SHPRH: variants seen among roughly 807,000 people sequenced by gnomAD.
The protein encoded by SHPRH is SNF2 histone linker PHD RING helicase.
SHPRH carries 106 observed loss-of-function variants against 202.5 expected under a neutral mutation model. The observed-to-expected ratio is 0.52, with a 90% CI of 0.45 to 0.62. The LOEUF is 0.62. SHPRH is among the 20% of genes least tolerant of loss of function. The pLI is 0.00. For missense variants in SHPRH, 1,710 were observed against 2,020.0 expected (o/e 0.85, Z 2.94); for synonymous variants, 729 against 686.0 (o/e 1.06, Z -0.98).
rs1784524863 is a variant in SHPRH at position 145,922,682 on chromosome 6, C to T, written c.3700G>A (p.Ala1234Thr). The change falls in exon 19 of 30, where the codon GCC (alanine) becomes ACC (threonine). Residue 1234 changes from alanine to threonine, a missense_variant. Ala to Thr is a moderately conservative substitution (Grantham distance 58). Transcript: ENST00000275233. Reference protein sequence around the residue: ...ESATVCHLRPARLPLNCCVFC... With the variant: ...ESATVCHLRPTRLPLNCCVFC... ...ACCTACCAGTTGAGAGGAAGTCTGG[C>T]TGGTCGGAGGTGACAGACTGTTGCA... 1 of 1,605,634 alleles carries T rather than the reference C, an allele frequency of 6.2e-7. No homozygotes were observed. Among genetic ancestry groups the T allele is most frequent in the Non-Finnish European group, 8.5e-7 (1 of 1,176,574 alleles).
intron 28 of SHPRH, among the ~76,000 whole-genome samples, chr6:145,889,837 T>C (rs961235460): frequency 1.3e-5 from 2 of 152,140 alleles, no homozygotes; most frequent in Non-Finnish European, 2.9e-5. Flanking sequence ...AATGAATGGA[T>C]GGCTTTTGAA....
chr6:145,955,817 C>A (rs1370731255), intron 1 of SHPRH, among the ~76,000 whole-genome samples: 1 of 151,636 alleles, frequency 6.6e-6, no homozygotes, highest in South Asian at 2.1e-4. Flanking sequence ...AGACCCATTA[C>A]AAGAAAAAAA....
At chr6:145,909,766 T>A (rs1783323194) in intron 25 of SHPRH, 1 of 89,286 alleles carries the variant, frequency 1.1e-5, no homozygotes, top group African/African-American at 5.3e-5. Flanking sequence ...TCAAGTTTGG[T>A]TAGAAAAAAA....
chr6:145,858,743 C>T, the SHPRH span, among the ~76,000 whole-genome samples: 86 of 152,086 alleles, frequency 5.7e-4, no homozygotes, highest in South Asian at 8.3e-3. Flanking sequence ...CTTAAAACAA[C>T]GATGGTTTTC....
intron 25 of SHPRH, chr6:145,907,219 A>G (rs1390963913): frequency 6.6e-6 from 1 of 152,126 alleles, no homozygotes; most frequent in Non-Finnish European, 1.5e-5. Flanking sequence ...ATCAGAAACC[A>G]GGGGTGATCT....
intron 14 of SHPRH, among the ~76,000 whole-genome samples, chr6:145,930,735 T>C (rs1785352031): frequency 6.6e-6 from 1 of 152,324 alleles, no homozygotes; most frequent in Middle Eastern, 3.4e-3. Flanking sequence ...GGTCAACTGG[T>C]TGACAGCGGT....
intron 2 of SHPRH, among the ~76,000 whole-genome samples, chr6:145,864,644 G>C (rs1583243522): frequency 7.3e-6 from 1 of 137,002 alleles, no homozygotes; most frequent in Admixed American, 7.5e-5. Flanking sequence ...CTTAGCTTAT[G>C]AACAAAATAA....
chr6:145,952,208 A>G (rs1282550549), intron 3 of SHPRH, 141 bp downstream of exon 3: 8 of 720,252 alleles, frequency 1.1e-5, no homozygotes, highest in South Asian at 4.8e-5. Context: ...TGCATTTCAA[A>G]TAAGTATAAT....
intron 2 of SHPRH, among the ~76,000 whole-genome samples, chr6:145,867,638 A>AGAGAGAGAG (rs2128687387): frequency 1.0e-5 from 1 of 98,652 alleles, no homozygotes; most frequent in East Asian, 3.4e-4. Flanking sequence ...ATATAGAGAG[A>AGAGAGAGAG]GAGAGAGAGA....
chr6:145,918,318 A>AAATGTAT, intron 22 of SHPRH, 86 bp from the exon 23 acceptor site: 4 of 832,284 alleles, frequency 4.8e-6, no homozygotes, highest in Non-Finnish European at 6.8e-6. Flanking sequence ...CCAGTAATAC[A>AAATGTAT]AATGTATTGT....
At chr6:145,922,257 G>A (rs1012847901) in intron 20 of SHPRH, 29 bp downstream of exon 20, 13 of 1,571,730 alleles carry the variant, frequency 8.3e-6, no homozygotes, top group Non-Finnish European at 1.1e-5. Flanking sequence ...TCATTTTCTT[G>A]ATGGGTAATA....
chr6:145,910,794 C>A (rs1783423619), intron 24 of SHPRH, among the ~76,000 whole-genome samples, 158 bp from the exon 25 acceptor site: 1 of 151,990 alleles, frequency 6.6e-6, no homozygotes, highest in African/African-American at 2.4e-5. Context: ...ATTTTTTATT[C>A]CAAAGTAAGT....
chr6:145,947,651 A>G lies in SHPRH; in HGVS notation c.1062-8T>C, dbSNP rs1397937094. 2 of 1,611,620 alleles carry G rather than the reference A, an allele frequency of 1.2e-6. No homozygotes were observed. Among genetic ancestry groups the G allele is most frequent in the South Asian group, 2.2e-5 (2 of 90,862 alleles). Reference sequence around the variant, plus strand: ...GGGTACTCACGAATGATGCTGAGGAAAAAAACAAGATAAATCACATCATAG... The same window carrying G: ...GGGTACTCACGAATGATGCTGAGGAGAAAAACAAGATAAATCACATCATAG... On this transcript the variant is annotated splice_region_variant and splice_polypyrimidine_tract_variant and intron_variant, in intron 5 of 29. Transcript: ENST00000275233.
intron 1 of SHPRH, among the ~76,000 whole-genome samples, chr6:145,961,686 T>C (rs1010387618): frequency 6.6e-6 from 1 of 151,822 alleles, no homozygotes; most frequent in Non-Finnish European, 1.5e-5. Flanking sequence ...CCAATATTAG[T>C]GCCTCAAGGT....
At chr6:145,950,209 T>C in intron 4 of SHPRH, 55 bp downstream of exon 4, 1 of 1,479,278 alleles carries the variant, frequency 6.8e-7, no homozygotes, top group East Asian at 2.3e-5. Context: ...GCCCTAATTG[T>C]CTCTGATGTA....
At chr6:145,946,379 G>A (rs986211935) in intron 6 of SHPRH, 38 bp from the exon 7 acceptor site, 22 of 1,481,430 alleles carry the variant, frequency 1.5e-5, no homozygotes, top group Middle Eastern at 3.5e-4. Flanking sequence ...ACAGTGTTTT[G>A]CTTTCAGTAT....
rs1788322663 is a variant in SHPRH at position 145,954,693 on chromosome 6, G to A, written c.630C>T (p.Ile210=). Residue 210 remains isoleucine, a synonymous_variant, in exon 2 of 30, where the codon ATC becomes ATT. Transcript: ENST00000275233. ...LYQKPEGNHI[I]KVGIYLLEAG... ...GACACCACAAAAAACTGAGTACCTTGATAATGTGATTTCCTTCTGGTTTCT... is the reference window on the plus strand; with the variant it reads ...GACACCACAAAAAACTGAGTACCTTAATAATGTGATTTCCTTCTGGTTTCT... The A allele has an allele frequency of 1.9e-6, 3 of 1,574,372 alleles. No individual in the cohort carries two copies. The highest frequency in any genetic ancestry group is 8.6e-7 in the Non-Finnish European group (1 of 1,166,636).
chr6:145,943,941 A>C (rs372047227), intron 8 of SHPRH, 139 bp from the exon 9 acceptor site: 2 of 806,194 alleles, frequency 2.5e-6, no homozygotes, highest in Non-Finnish European at 3.8e-6. Flanking sequence ...ATCACTCCTG[A>C]TAAGTGGCTT....
chr6:145,917,859 AC>A, intron 23 of SHPRH: 1 of 273,230 alleles, frequency 3.7e-6, no homozygotes, highest in Non-Finnish European at 6.8e-6. Flanking sequence ...ATGTTTTAAT[AC>A]TTTTACTATT....
Sources: allele counts gnomAD v4.1 joint callset (sites outside exome capture counted in the v4.1 genomes callset), GRCh38; gene constraint gnomAD v4.1.1; transcripts MANE v1.5; gene names NCBI Gene and HGNC (gene_info 2026-07-23, HGNC 2026-07-21).